FOXP4: variants seen among roughly 807,000 people sequenced by gnomAD.
The protein encoded by FOXP4 is forkhead box P4, also known as forkhead box protein P4.
Under a neutral mutation model 82.6 loss-of-function variants are expected in FOXP4, and 25 were observed. The observed-to-expected ratio is 0.30, with a 90% CI of 0.22 to 0.42. FOXP4 has a LOEUF of 0.42. Among genes scored for constraint, FOXP4 ranks in the 10% least tolerant of loss-of-function variants. The probability of loss-of-function intolerance (pLI) is 1.00; values close to 1 mark genes in which losing one functional copy is unlikely to be tolerated. For missense variants in FOXP4, 785 were observed against 900.9 expected (o/e 0.87, Z 1.65); for synonymous variants, 415 against 388.2 (o/e 1.07, Z -0.81).
At position 41,558,660 on chromosome 6, in the gene FOXP4, C is replaced by T. The variant is rs1393396264; in HGVS notation, c.-16-7085C>T. Among the ~76,000 whole-genome samples the T allele has an allele frequency of 3.9e-5, 6 of 152,150 alleles. No individual in the cohort carries two copies. The highest frequency in any genetic ancestry group is 3.3e-4 in the Admixed American group (5 of 15,278). On this transcript the variant is annotated intron_variant, in intron 1 of 16. Transcript: ENST00000307972. The surrounding 1 kb of genome is among the most constrained non-coding windows in gnomAD (Gnocchi z 4.0). ...CAAATGAGTGGCTGGCTAAGTAAGC[C>T]AGAGGCCCAAAGTGGCCACTGCCCT...
chr6:41,562,053 C>G (rs1255936522), intron 1 of FOXP4, among the ~76,000 whole-genome samples: 1 of 152,244 alleles, frequency 6.6e-6, no homozygotes, highest in African/African-American at 2.4e-5. Flanking sequence ...CACCCAGAGC[C>G]TGCTCACCCA....
chr6:41,564,246 G>A (rs1236024780), intron 1 of FOXP4, among the ~76,000 whole-genome samples: 1 of 152,154 alleles, frequency 6.6e-6, no homozygotes, highest in Admixed American at 6.5e-5. Context: ...TTGAGGCCAG[G>A]AGTTCGAGAC....
Position 41,565,911 on chromosome 6 carries a change from G to A in FOXP4, c.151G>A (p.Asp51Asn), listed in dbSNP as rs1764853448. Reference sequence around the variant, plus strand: ...GGGCAGGGAAGTGACCACGGGTGCAGACAGCAATGGTGAGATGAGTCCCGC... The same window carrying A: ...GGGCAGGGAAGTGACCACGGGTGCAAACAGCAATGGTGAGATGAGTCCCGC... ...GTGREVTTGA[D>N]SNGEMSPAEL... Residue 51 changes from aspartate to asparagine, a missense_variant, in exon 2 of 17, where the codon GAC (aspartate) becomes AAC (asparagine). Transcript: ENST00000307972. 6.2e-7 allele frequency: 1 copy of A among 1,614,058 alleles called. No individual in the cohort carries two copies.
In FOXP4 at chr6:41,556,700, A is replaced by C. The variant is rs145489856; in HGVS notation, c.-16-9045A>C. Reference sequence around the variant, plus strand: ...TTGCTGCGTCATGGCTCAGCTCAGAAGCCACCTCCTACAGAAAGCCTTCCC... The same window carrying C: ...TTGCTGCGTCATGGCTCAGCTCAGACGCCACCTCCTACAGAAAGCCTTCCC... On this transcript the variant is annotated intron_variant, in intron 1 of 16. Coordinates refer to ENST00000307972, the MANE Select transcript of FOXP4 (RefSeq NM_001012426.2). 7.0e-4 allele frequency among the ~76,000 whole-genome samples: 107 copies of C among 152,282 alleles called. No individual in the cohort carries two copies. The East Asian group carries it at 0.017, about 25-fold the overall frequency.
intron 3 of FOXP4, among the ~76,000 whole-genome samples, chr6:41,581,578 A>G (rs1282313058): frequency 6.6e-6 from 1 of 152,208 alleles, no homozygotes; most frequent in African/African-American, 2.4e-5. Flanking sequence ...GAGCCTGGCA[A>G]GGGGCCAGCG....
chr6:41,587,489 T>A lies in FOXP4; in HGVS notation c.849T>A (p.Thr283=). 6.5e-7 allele frequency: 1 copy of A among 1,526,836 alleles called. No homozygotes were observed. The highest frequency in any genetic ancestry group is 2.1e-5 in the Admixed American group (1 of 46,982). 94.6% of individuals were successfully genotyped at this position (1,526,836 alleles called of 1,614,324 possible). A position where few individuals can be genotyped will look rare whatever the true frequency, so the allele number is the denominator to read the frequency against. ...SHHTLPNGQP[T]VLTSRRDSSS... Reference sequence around the variant, plus strand: ...ATACCCTGCCCAACGGACAGCCTACTGTGCTCACATCTCGGAGAGACAGGT... The same window carrying A: ...ATACCCTGCCCAACGGACAGCCTACAGTGCTCACATCTCGGAGAGACAGGT... Residue 283 remains threonine, a synonymous_variant, in exon 7 of 17, where the codon ACT becomes ACA. Transcript: ENST00000307972.
chr6:41,586,723 G>A (rs745821341), intron 5 of FOXP4, among the ~76,000 whole-genome samples: 30 of 152,226 alleles, frequency 2.0e-4, no homozygotes, highest in Admixed American at 1.5e-3. Context: ...CTGAAGCAGC[G>A]GAAGGAGGGA....
intron 5 of FOXP4, among the ~76,000 whole-genome samples, chr6:41,585,931 C>T (rs1311417086): frequency 6.6e-6 from 1 of 152,020 alleles, no homozygotes; most frequent in Non-Finnish European, 1.5e-5. Context: ...CCTCCCCTTA[C>T]CTCAGCCTGC....
intron 1 of FOXP4, among the ~76,000 whole-genome samples, chr6:41,562,828 C>G (rs1313933436): frequency 6.6e-6 from 1 of 152,184 alleles, no homozygotes; most frequent in Non-Finnish European, 1.5e-5. Flanking sequence ...GTCTCCCCAT[C>G]CCCCTCATGT....
chr6:41,569,095 G>A (rs1765040770), intron 2 of FOXP4, among the ~76,000 whole-genome samples: 1 of 152,176 alleles, frequency 6.6e-6, no homozygotes, highest in African/African-American at 2.4e-5. Flanking sequence ...ATTGGTGAGT[G>A]ACAGAGCCAT....
intron 3 of FOXP4, among the ~76,000 whole-genome samples, chr6:41,581,790 C>T (rs1765817388): frequency 6.6e-6 from 1 of 152,254 alleles, no homozygotes; most frequent in African/African-American, 2.4e-5. Context: ...GCTGCTCAGC[C>T]AAGTGGCAGG....
chr6:41,597,489 C>T, intron 15 of FOXP4, among the ~76,000 whole-genome samples: 1 of 152,196 alleles, frequency 6.6e-6, no homozygotes, highest in East Asian at 1.9e-4. Context: ...ATCCCCTTTC[C>T]TGGTTTGTCA....
chr6:41,594,909 G>A lies in FOXP4; in HGVS notation c.1576G>A (p.Val526Ile), dbSNP rs772487810. ...RHNLSLHKCF[V>I]RVENVKGAVW... ...CAACCTCAGCCTGCACAAGTGCTTC[G>A]TCCGCGTGGAGAACGTCAAGGGTGC... The change falls in exon 14 of 17, where the codon GTC (valine) becomes ATC (isoleucine). Residue 526 changes from valine to isoleucine, a missense_variant. By Grantham distance (29) the Val-to-Ile change is conservative. Transcript: ENST00000307972. The A allele has an allele frequency of 9.9e-6, 16 of 1,614,068 alleles. No individual in the cohort carries two copies. Among genetic ancestry groups the A allele is most frequent in the Middle Eastern group, 1.6e-4 (1 of 6,084 alleles).
At chr6:41,570,284 G>A (rs1193048420) in intron 2 of FOXP4, 2 of 469,162 alleles carry the variant, frequency 4.3e-6, no homozygotes, top group Admixed American at 2.4e-5. Flanking sequence ...TGGCATGGAG[G>A]GAGAGTTGGG....
At position 41,599,817 on chromosome 6, in the gene FOXP4, CCT is replaced by C. The variant is rs1442910202; in HGVS notation, c.*886_*887del. The C allele has an allele frequency of 6.6e-6, 1 of 152,564 alleles. No homozygotes were observed. The highest frequency in any genetic ancestry group is 1.5e-5 in the Non-Finnish European group (1 of 68,068). The allele number at this position is 152,564 out of a possible 1,614,324, so 9.5% of individuals were successfully genotyped here. On this transcript the variant is annotated 3_prime_UTR_variant, in exon 17 of 17. Coordinates refer to ENST00000307972, the MANE Select transcript of FOXP4 (RefSeq NM_001012426.2). ...TCCACACCCACATCCAGCCTGCAGGCCTCTCTGCAGTCCTCTCACCCTCCCTC... is the reference window on the plus strand; with the variant it reads ...TCCACACCCACATCCAGCCTGCAGGCCTCTGCAGTCCTCTCACCCTCCCTC...
At position 41,601,685 on chromosome 6, in the gene FOXP4, A is replaced by G. The variant is rs1767218894; in HGVS notation, c.*2749A>G. 6.6e-6 allele frequency: 1 copy of G among 152,262 alleles called. No homozygotes were observed. Among genetic ancestry groups the G allele is most frequent in the African/African-American group, 2.4e-5 (1 of 41,450 alleles). 9.4% of individuals were successfully genotyped at this position (152,262 alleles called of 1,614,324 possible). On this transcript the variant is annotated 3_prime_UTR_variant, in exon 17 of 17. Coordinates refer to ENST00000307972, the MANE Select transcript of FOXP4 (RefSeq NM_001012426.2). ...GAGACGGGGTTTCTCTATGTTGGTC[A>G]GGCTGATCTCGAACTCCCGACCTCA... is the stretch of plus-strand genomic sequence containing the variant.
In FOXP4 at chr6:41,599,680, AC is replaced by A. The variant is rs988607023; in HGVS notation, c.*747del. 3.3e-5 allele frequency: 5 copies of A among 151,864 alleles called. No homozygotes were observed. The highest frequency in any genetic ancestry group is 1.2e-4 in the African/African-American group (5 of 41,174). The allele number at this position is 151,864 out of a possible 1,614,324, so 9.4% of individuals were successfully genotyped here. ...ATGGGAAGAGGCCTGGTACCGCCTC[AC>A]CCACAGAGGTCTGTGCCAGGTGCGC... On this transcript the variant is annotated 3_prime_UTR_variant, in exon 17 of 17. Coordinates refer to ENST00000307972, the MANE Select transcript of FOXP4 (RefSeq NM_001012426.2).
chr6:41,552,483 A>C (rs1024606996), intron 1 of FOXP4, among the ~76,000 whole-genome samples: 1 of 152,170 alleles, frequency 6.6e-6, no homozygotes, highest in Non-Finnish European at 1.5e-5. Context: ...TCCTTCAGGA[A>C]GCCTCTGAGC....
intron 1 of FOXP4, among the ~76,000 whole-genome samples, chr6:41,550,804 A>G (rs1005619979): frequency 5.3e-5 from 8 of 152,218 alleles, no homozygotes; most frequent in Admixed American, 4.6e-4. Context: ...ACACACATAA[A>G]TGGGAGAGAG....
Sources: gnomAD v4.1 joint callset for allele counts (sites outside exome capture counted in the v4.1 genomes callset) on GRCh38, gnomAD v4.1.1 for gene constraint, Gnocchi (gnomAD v3.1) non-coding constraint, MANE v1.5 for transcripts, NCBI Gene and HGNC (gene_info 2026-07-23, HGNC 2026-07-21) for gene names.